Variants in COL25A1 observed in about 807,000 individuals in gnomAD.
COL25A1 encodes collagen type XXV alpha 1 chain.
COL25A1 carries 103 observed loss-of-function variants against 128.4 expected under a neutral mutation model. The ratio of observed to expected loss-of-function variants is 0.80; its 90% CI spans 0.68 to 0.94. COL25A1 has a LOEUF of 0.94. Ranked by LOEUF, COL25A1 falls within the 40% of genes least tolerant of loss-of-function variation. The pLI, the probability that COL25A1 is intolerant of heterozygous loss-of-function variation, is 0.00. For missense variants in COL25A1, 745 were observed against 840.0 expected, an observed-to-expected ratio of 0.89 and a Z score of 1.40; for synonymous variants, 279 against 277.2, an observed-to-expected ratio of 1.01 and a Z score of -0.06.
Position 108,835,440 on chromosome 4 carries a change from C to G in COL25A1, c.1657-3007G>C, listed in dbSNP as rs76754484. 8.4e-3 allele frequency among the ~76,000 whole-genome samples: 1,285 copies of G among 152,230 alleles called. 17 individuals carry two copies. The highest frequency in any genetic ancestry group is 0.029 in the African/African-American group (1,210 of 41,524). ...TACAGAATGGAAAAAAAAATCTATT[C>G]CAGATGAAAACTCTACCAATGATGT... On this transcript the variant is annotated intron_variant, in intron 31 of 37. Coordinates refer to ENST00000399132, the MANE Select transcript of COL25A1 (RefSeq NM_198721.4).
At chr4:109,122,272 A>AGTC (rs1247240580) in intron 3 of COL25A1, among the ~76,000 whole-genome samples, 1 of 151,914 alleles carries the variant, frequency 6.6e-6, no homozygotes. Context: ...TAAACTATGG[A>AGTC]CTCCGGGTGA....
chr4:108,825,115 G>A (rs1732215179), intron 34 of COL25A1, 81 bp downstream of exon 34: 1 of 1,149,302 alleles, frequency 8.7e-7, no homozygotes, highest in Non-Finnish European at 1.3e-6. Context: ...AGAAAAAAAA[G>A]AAGTATTCTT....
intron 35 of COL25A1, chr4:108,823,745 G>C (rs1022453762): frequency 1.4e-5 from 4 of 295,028 alleles, no homozygotes; most frequent in East Asian, 1.3e-4. Flanking sequence ...AAATATCAAC[G>C]TACAAAACAT....
chr4:109,126,868 G>A (rs930448621), intron 3 of COL25A1, among the ~76,000 whole-genome samples: 12 of 150,714 alleles, frequency 8.0e-5, no homozygotes, highest in Non-Finnish European at 1.3e-4. Context: ...GTAACTAACC[G>A]GCACATTGTG....
At chr4:109,211,010 G>A (rs1777456522) in intron 3 of COL25A1, among the ~76,000 whole-genome samples, 1 of 151,702 alleles carries the variant, frequency 6.6e-6, no homozygotes, top group Admixed American at 6.6e-5. Context: ...ACAGACACCG[G>A]GGCCTACTTG....
chr4:109,046,982 C>A (rs1464993773), intron 5 of COL25A1, among the ~76,000 whole-genome samples: 2 of 152,184 alleles, frequency 1.3e-5, no homozygotes, highest in Non-Finnish European at 2.9e-5. Context: ...ACAAGATAAT[C>A]TGTTCCTGTG....
intron 19 of COL25A1, among the ~76,000 whole-genome samples, chr4:108,873,869 C>T (rs1018105892): frequency 4.0e-5 from 6 of 151,468 alleles, no homozygotes; most frequent in African/African-American, 7.3e-5. Flanking sequence ...CCTTCAAAGA[C>T]GGAAAGAAGA....
chr4:109,284,526 A>C (rs1319427434), intron 3 of COL25A1, among the ~76,000 whole-genome samples: 2 of 152,196 alleles, frequency 1.3e-5, no homozygotes, highest in Non-Finnish European at 2.9e-5. Flanking sequence ...GATCACTGTA[A>C]AAATGCAATT....
chr4:109,228,584 C>CTAG (rs1778959889), intron 3 of COL25A1, among the ~76,000 whole-genome samples: 1 of 152,010 alleles, frequency 6.6e-6, no homozygotes, highest in East Asian at 1.9e-4. Context: ...GATCCTTAGA[C>CTAG]GTTTTAATCT....
At chr4:108,916,120 T>C (rs1314884514) in intron 13 of COL25A1, among the ~76,000 whole-genome samples, 2 of 152,204 alleles carry the variant, frequency 1.3e-5, no homozygotes, top group African/African-American at 2.4e-5. Context: ...ATATTACAAA[T>C]GTTAAGTAAT....
At chr4:109,186,850 T>G (rs1244924716) in intron 3 of COL25A1, among the ~76,000 whole-genome samples, 2 of 152,338 alleles carry the variant, frequency 1.3e-5, no homozygotes, top group East Asian at 3.9e-4. Flanking sequence ...GGTCATGCAT[T>G]CGACATCAGC....
chr4:109,163,060 T>C lies in COL25A1; in HGVS notation c.368-112881A>G, dbSNP rs2704103. Among the ~76,000 whole-genome samples the C allele has an allele frequency of 7.7e-3, 1,166 of 152,262 alleles. 19 individuals are homozygous for C. The highest frequency in any genetic ancestry group is 0.027 in the African/African-American group (1,111 of 41,556). Reference sequence around the variant, plus strand: ...CAGCTTGGTAAAGTTCACCTCCTTATGTTTGTTCAACAACCTTTCACCTCC... The same window carrying C: ...CAGCTTGGTAAAGTTCACCTCCTTACGTTTGTTCAACAACCTTTCACCTCC... On this transcript the variant is annotated intron_variant, in intron 3 of 37. Transcript: ENST00000399132.
intron 13 of COL25A1, among the ~76,000 whole-genome samples, chr4:108,904,917 T>A (rs916712819): frequency 1.2e-4 from 18 of 147,020 alleles, no homozygotes; most frequent in African/African-American, 3.8e-4. Flanking sequence ...CATTTTTTTT[T>A]TAAAAAAACA....
At chr4:109,021,643 G>A (rs547571754) in intron 5 of COL25A1, 8 of 424,268 alleles carry the variant, frequency 1.9e-5, no homozygotes, top group African/African-American at 4.1e-5. Flanking sequence ...CTGTGGGGTC[G>A]GGCAAAAAGA....
rs1765488444 is a variant in COL25A1 at position 109,097,423 on chromosome 4, G to A, written c.368-47244C>T. On this transcript the variant is annotated intron_variant, in intron 3 of 37. Transcript: ENST00000399132. ...AGTTTGAGACAAGCCTGGGCAACAT[G>A]GAGAAACCCTGTCTAAAAAAAAAAA... is the stretch of plus-strand genomic sequence containing the variant. Among the ~76,000 whole-genome samples the A allele has an allele frequency of 2.7e-5, 4 of 148,570 alleles. No homozygotes were observed. In the South Asian group the frequency reaches 8.5e-4, roughly 32 times the overall value.
At chr4:109,136,312 T>C (rs1392164784) in intron 3 of COL25A1, among the ~76,000 whole-genome samples, 1 of 152,088 alleles carries the variant, frequency 6.6e-6, no homozygotes, top group African/African-American at 2.4e-5. Context: ...GGCATGAGAA[T>C]CGCTTAAGCC....
At chr4:108,880,836 A>G (rs1385952347) in intron 19 of COL25A1, among the ~76,000 whole-genome samples, 1 of 152,240 alleles carries the variant, frequency 6.6e-6, no homozygotes, top group African/African-American at 2.4e-5. Context: ...TACATTTTTC[A>G]AAATAAGTGT....
intron 3 of COL25A1, among the ~76,000 whole-genome samples, chr4:109,165,062 A>G (rs1234060799): frequency 6.6e-6 from 1 of 152,208 alleles, no homozygotes; most frequent in African/African-American, 2.4e-5. Context: ...ACAACATATG[A>G]TAATAGTCAT....
intron 3 of COL25A1, among the ~76,000 whole-genome samples, chr4:109,296,446 G>T (rs1312889302): frequency 1.3e-5 from 2 of 151,932 alleles, no homozygotes; most frequent in East Asian, 3.9e-4. Context: ...TTAAAGATTT[G>T]TCTGTCATCC....
Sources: gnomAD v4.1 joint callset for allele counts (sites outside exome capture counted in the v4.1 genomes callset) on GRCh38, gnomAD v4.1.1 for gene constraint, MANE v1.5 for transcripts, NCBI Gene and HGNC (gene_info 2026-07-23, HGNC 2026-07-21) for gene names.